GPHN: variants seen among roughly 807,000 people sequenced by gnomAD.
GPHN encodes the protein gephyrin.
GPHN carries 17 observed loss-of-function variants against 95.5 expected under a neutral mutation model. The observed-to-expected ratio is 0.18, with a 90% CI of 0.12 to 0.27. The LOEUF (loss-of-function observed/expected upper bound fraction) is 0.27. GPHN is among the 10% of genes least tolerant of loss of function. The pLI is 1.00. For missense variants in GPHN, 660 were observed against 978.1 expected (o/e 0.67, Z 4.34); for synonymous variants, 320 against 322.5 (o/e 0.99, Z 0.08).
the GPHN span, chr14:67,695,785 A>G: frequency 9.7e-5 from 131 of 1,346,248 alleles, 1 homozygote; most frequent in African/African-American, 9.8e-4. Flanking sequence ...ACACGCCCCA[A>G]TTCAAATTGC....
At chr14:67,562,984 G>A in the GPHN span, 1 of 1,342,530 alleles carries the variant, frequency 7.4e-7, no homozygotes, top group Non-Finnish European at 1.0e-6. Context: ...AGCAGGAGAG[G>A]AGGCTGCTGG....
At chr14:67,390,885 C>G in the GPHN span, 1 of 729,882 alleles carries the variant, frequency 1.4e-6, no homozygotes, top group Non-Finnish European at 2.5e-6. Context: ...CCACAGGAAA[C>G]CTGAGGATAG....
chr14:67,299,736 A>T, the GPHN span, among the ~76,000 whole-genome samples: 4 of 152,206 alleles, frequency 2.6e-5, no homozygotes, highest in African/African-American at 9.6e-5. Context: ...GGGAGTTCTA[A>T]ATTTCTTTAG....
the GPHN span, chr14:67,647,044 T>C: frequency 3.7e-5 from 56 of 1,521,170 alleles, no homozygotes; most frequent in East Asian, 1.3e-4. Context: ...CTATAACTGA[T>C]GTCAGGGCAA....
chr14:67,368,010 G>A, the GPHN span, among the ~76,000 whole-genome samples: 1 of 152,128 alleles, frequency 6.6e-6, no homozygotes, highest in East Asian at 1.9e-4. Flanking sequence ...CTATAGAGGT[G>A]ACTGAGTGAT....
At chr14:67,253,362 G>T in the GPHN span, among the ~76,000 whole-genome samples, 1 of 152,164 alleles carries the variant, frequency 6.6e-6, no homozygotes, top group Non-Finnish European at 1.5e-5. Context: ...GTTGAGGTCA[G>T]CTTTCTAATC....
intron 1 of GPHN, among the ~76,000 whole-genome samples, chr14:66,554,652 T>C (rs2059939881): frequency 6.6e-6 from 1 of 152,210 alleles, no homozygotes; most frequent in South Asian, 2.1e-4. Flanking sequence ...TTTCCTCCCT[T>C]AATACCCGGG....
At chr14:66,816,350 ATTC>A (rs3033910) in intron 3 of GPHN, among the ~76,000 whole-genome samples, 1,911 of 152,346 alleles carry the variant, frequency 0.013, 19 homozygotes, top group Non-Finnish European at 0.018. Context: ...CAGAATTTAC[ATTC>A]TTCTTATTGT....
intron 2 of GPHN, among the ~76,000 whole-genome samples, chr14:66,693,805 G>A (rs999561066): frequency 1.3e-5 from 2 of 152,086 alleles, no homozygotes; most frequent in African/African-American, 4.8e-5. Context: ...ATCATAATAA[G>A]TAACATTGTG....
chr14:66,776,377 T>C (rs2153461146), intron 2 of GPHN, 87 bp from the exon 3 acceptor site: 2 of 831,796 alleles, frequency 2.4e-6, no homozygotes, highest in Middle Eastern at 2.2e-4. Flanking sequence ...GAGTTATTGG[T>C]AGCATTCTGA....
the GPHN span, among the ~76,000 whole-genome samples, chr14:67,604,808 A>C: frequency 2.6e-5 from 4 of 152,054 alleles, no homozygotes; most frequent in African/African-American, 9.7e-5. Context: ...TTTTGAACTA[A>C]TTTTTGTTTG....
At chr14:67,038,947 G>A (rs2153635025) in intron 10 of GPHN, among the ~76,000 whole-genome samples, 1 of 152,208 alleles carries the variant, frequency 6.6e-6, no homozygotes, top group African/African-American at 2.4e-5. Flanking sequence ...TGTTGTAATA[G>A]TTCAGGCCTT....
intron 18 of GPHN, among the ~76,000 whole-genome samples, chr14:67,150,020 A>G (rs8006281): frequency 0.25 from 38,011 of 152,144 alleles, 9,574 homozygotes; most frequent in African/African-American, 0.62. Flanking sequence ...CTAATACTCT[A>G]TCTTAGAAAT....
chr14:67,109,221 G>A (rs907827521), intron 13 of GPHN, among the ~76,000 whole-genome samples: 7 of 152,182 alleles, frequency 4.6e-5, no homozygotes, highest in Admixed American at 1.3e-4. Flanking sequence ...TATGCAGCAC[G>A]TGACTATACT....
the GPHN span, among the ~76,000 whole-genome samples, chr14:67,456,832 T>C: frequency 6.6e-6 from 1 of 152,334 alleles, no homozygotes; most frequent in East Asian, 1.9e-4. Flanking sequence ...CACATATGTA[T>C]GTTCATTACA....
In GPHN at chr14:67,131,844, C is replaced by G. The variant is rs2079736831; in HGVS notation, c.1748+9467C>G. ...CATTAATTGAGTTTATATAATTCCT[C>G]AAACTGATTTTAAGTATTGAATAAG... is the stretch of plus-strand genomic sequence containing the variant. On this transcript the variant is annotated intron_variant, in intron 17 of 22. Coordinates refer to ENST00000478722, the MANE Select transcript of GPHN (RefSeq NM_020806.5). Among the ~76,000 whole-genome samples the G allele has an allele frequency of 2.0e-5, 3 of 152,152 alleles. No homozygotes were observed. In the South Asian group the frequency reaches 6.2e-4, roughly 31 times the overall value.
chr14:67,360,151 A>G, the GPHN span: 2 of 410,378 alleles, frequency 4.9e-6, no homozygotes, highest in Non-Finnish European at 4.3e-6. Context: ...TCGGAGTCCT[A>G]TGTCTTTCTC....
the GPHN span, chr14:67,316,952 C>G: frequency 6.9e-7 from 1 of 1,451,296 alleles, no homozygotes; most frequent in South Asian, 1.2e-5. Flanking sequence ...GGGTCTTCAT[C>G]TGGAGCCATG....
chr14:67,035,201 G>A (rs978012276), intron 10 of GPHN, among the ~76,000 whole-genome samples: 1 of 151,778 alleles, frequency 6.6e-6, no homozygotes, highest in African/African-American at 2.4e-5. Flanking sequence ...AATATCTTGA[G>A]GCAAAAACAC....
Sources: allele counts gnomAD v4.1 joint callset (sites outside exome capture counted in the v4.1 genomes callset), GRCh38; gene constraint gnomAD v4.1.1; transcripts MANE v1.5; gene names NCBI Gene and HGNC (gene_info 2026-07-23, HGNC 2026-07-21).